Variants in ADGRL3 observed in about 807,000 individuals in gnomAD.
ADGRL3 encodes calcium-independent alpha-latrotoxin receptor 3.
ADGRL3 carries 62 observed loss-of-function variants against 153.5 expected under a neutral mutation model. That is an observed-to-expected ratio of 0.40 (90% confidence interval 0.33 to 0.50). The LOEUF is 0.50. ADGRL3 is among the 20% of genes least tolerant of loss of function. The pLI is 0.47. For synonymous variants in ADGRL3, 710 were observed against 672.5 expected (o/e 1.06, Z -0.86); for missense variants, 1,641 against 1,859.4 (o/e 0.88, Z 2.16).
intron 2 of ADGRL3, among the ~76,000 whole-genome samples, chr4:61,436,889 T>C (rs888477306): frequency 4.6e-5 from 1 of 21,946 alleles, no homozygotes; most frequent in Non-Finnish European, 7.4e-4. Flanking sequence ...GTACTTGATA[T>C]CAAAAAAAAG....
intron 6 of ADGRL3, among the ~76,000 whole-genome samples, chr4:61,713,726 G>T (rs551398754): frequency 9.2e-5 from 14 of 152,114 alleles, no homozygotes; most frequent in African/African-American, 3.4e-4. Flanking sequence ...ATGAACAATG[G>T]TTTTTATGTA....
Position 61,813,826 on chromosome 4 carries a change from C to T in ADGRL3, c.1417C>T (p.Gln473Ter). The T allele has an allele frequency of 6.4e-7, 1 of 1,574,122 alleles. No individual in the cohort carries two copies. The highest frequency in any genetic ancestry group is 8.7e-7 in the Non-Finnish European group (1 of 1,143,764). ...GTCCACAGGGCAGGCACATCATGGA[C>T]AAGTTTCATACATTTCTCCGCCAAT... ...DSRSGQAHHG[Q>*]VSYISPPIHL... Residue 473 changes from glutamine (Q) to a stop codon, truncating the protein, a stop_gained, in exon 9 of 27, where the codon CAA becomes TAA. Coordinates refer to ENST00000683033, the MANE Select transcript of ADGRL3 (RefSeq NM_001387552.1). LOFTEE classifies it high-confidence loss of function.
At chr4:61,407,150 C>T (rs2097011666) in intron 2 of ADGRL3, among the ~76,000 whole-genome samples, 1 of 151,914 alleles carries the variant, frequency 6.6e-6, no homozygotes, top group Non-Finnish European at 1.5e-5. Context: ...AAACAATAAA[C>T]CCTTACAATA....
chr4:61,948,039 C>G (rs2098932717), intron 16 of ADGRL3, 61 bp from the exon 17 acceptor site: 11 of 1,385,150 alleles, frequency 7.9e-6, no homozygotes, highest in Non-Finnish European at 1.1e-5. Flanking sequence ...AAGAAAATGC[C>G]AACCTAATTT....
intron 17 of ADGRL3, among the ~76,000 whole-genome samples, chr4:61,975,806 A>C (rs2099045841): frequency 6.6e-6 from 1 of 152,192 alleles, no homozygotes; most frequent in South Asian, 2.1e-4. Context: ...TAGAGGAGTC[A>C]ATATAACTCC....
At chr4:62,016,567 G>A (rs1233438455) in intron 21 of ADGRL3, among the ~76,000 whole-genome samples, 1 of 151,980 alleles carries the variant, frequency 6.6e-6, no homozygotes, top group Non-Finnish European at 1.5e-5. Context: ...CATACTTTAT[G>A]TTTTTCTATC....
intron 2 of ADGRL3, among the ~76,000 whole-genome samples, chr4:61,395,846 A>G (rs2096862322): frequency 2.0e-5 from 3 of 152,076 alleles, no homozygotes; most frequent in South Asian, 4.1e-4. Flanking sequence ...AATTTGGAAA[A>G]TTTTGATATG....
rs374117611 is a variant in ADGRL3 at position 61,769,412 on chromosome 4, A to G, written c.1399+35858A>G. Among the ~76,000 whole-genome samples, 225 of 152,114 alleles carry G rather than the reference A, an allele frequency of 1.5e-3. 2 individuals are homozygous for G. In the South Asian group the frequency reaches 0.017, roughly 12 times the overall value. ...CCGCTTACCGGATTTGAAATTGGTG[A>G]GATGTTTCTTGGGCTGGTCGGTCTG... On this transcript the variant is annotated intron_variant, in intron 8 of 26. Transcript: ENST00000683033.
At chr4:61,493,405 A>G (rs1423109182) in intron 2 of ADGRL3, among the ~76,000 whole-genome samples, 3 of 152,204 alleles carry the variant, frequency 2.0e-5, no homozygotes, top group Non-Finnish European at 2.9e-5. Flanking sequence ...AATACCTTAG[A>G]AGAAATCATT....
intron 11 of ADGRL3, among the ~76,000 whole-genome samples, chr4:61,904,755 T>A (rs1000698525): frequency 6.6e-6 from 1 of 152,176 alleles, no homozygotes; most frequent in Non-Finnish European, 1.5e-5. Flanking sequence ...TGATGACTAA[T>A]TTTGCTATTC....
intron 4 of ADGRL3, among the ~76,000 whole-genome samples, chr4:61,528,798 A>G (rs1242089840): frequency 6.6e-6 from 1 of 152,170 alleles, no homozygotes; most frequent in Non-Finnish European, 1.5e-5. Context: ...CTGTCGCATC[A>G]GCTATTTCTG....
intron 1 of ADGRL3, among the ~76,000 whole-genome samples, chr4:61,286,716 T>G (rs2093954643): frequency 6.6e-6 from 1 of 151,700 alleles, no homozygotes; most frequent in Admixed American, 6.6e-5. Context: ...TTATGTAAAT[T>G]TATCATATTC....
intron 13 of ADGRL3, among the ~76,000 whole-genome samples, chr4:61,921,190 C>G (rs959547832): frequency 1.3e-5 from 2 of 151,854 alleles, no homozygotes; most frequent in Non-Finnish European, 2.9e-5. Context: ...ATTTTTCTAC[C>G]TTTTAAGTAA....
chr4:61,312,249 C>T (rs72614727), intron 1 of ADGRL3, among the ~76,000 whole-genome samples: 18,840 of 151,974 alleles, frequency 0.12, 1,391 homozygotes, highest in South Asian at 0.27. Flanking sequence ...AGACACATAC[C>T]TTACACCTTT....
chr4:61,276,860 C>A (rs2093484238), intron 1 of ADGRL3, among the ~76,000 whole-genome samples: 1 of 151,822 alleles, frequency 6.6e-6, no homozygotes, highest in African/African-American at 2.4e-5. Flanking sequence ...GGATAATACC[C>A]AATATTATCA....
intron 5 of ADGRL3, among the ~76,000 whole-genome samples, chr4:61,619,873 C>G (rs1404454820): frequency 6.6e-6 from 1 of 152,170 alleles, no homozygotes. Flanking sequence ...CTGGAGCTTA[C>G]TGCTAGCTAA....
At chr4:61,419,964 T>A (rs1042999588) in intron 2 of ADGRL3, among the ~76,000 whole-genome samples, 2 of 151,430 alleles carry the variant, frequency 1.3e-5, no homozygotes, top group East Asian at 1.9e-4. Context: ...CGGCTGATAT[T>A]TTTTTTTATA....
intron 9 of ADGRL3, among the ~76,000 whole-genome samples, chr4:61,888,156 G>A (rs1051982667): frequency 2.0e-5 from 3 of 152,098 alleles, no homozygotes; most frequent in Non-Finnish European, 2.9e-5. Flanking sequence ...ATACTAGTCC[G>A]TATAAGCACA....
chr4:61,897,198 A>G (rs576435709), intron 11 of ADGRL3, among the ~76,000 whole-genome samples: 10 of 152,168 alleles, frequency 6.6e-5, no homozygotes, highest in Non-Finnish European at 1.3e-4. Flanking sequence ...AATACCTCCT[A>G]TTCTTCCAGT....
Sources: gnomAD v4.1 joint callset for allele counts (sites outside exome capture counted in the v4.1 genomes callset) on GRCh38, gnomAD v4.1.1 for gene constraint, MANE v1.5 for transcripts, NCBI Gene and HGNC (gene_info 2026-07-23, HGNC 2026-07-21) for gene names.